BRINP3: variants seen among roughly 807,000 people sequenced by gnomAD.
BRINP3 encodes the protein BMP/retinoic acid inducible neural specific 3.
In BRINP3, 19 loss-of-function variants were observed where a neutral mutation model predicts 71.0. That is an observed-to-expected ratio of 0.27 (90% CI 0.19 to 0.39). The LOEUF is 0.39. Ranked by LOEUF, BRINP3 falls within the 10% of genes least tolerant of loss-of-function variation. BRINP3 has a pLI of 1.00. For synonymous variants in BRINP3, 380 were observed against 337.7 expected (o/e 1.13, Z -1.37); for missense variants, 959 against 940.8 (o/e 1.02, Z -0.25).
chr1:190,205,185 A>G (rs928000524), intron 6 of BRINP3, among the ~76,000 whole-genome samples: 1 of 151,868 alleles, frequency 6.6e-6, no homozygotes, highest in South Asian at 2.1e-4. Context: ...TGCAACATCC[A>G]TGTACTATAG....
At chr1:190,208,222 T>A (rs1441028900) in intron 6 of BRINP3, among the ~76,000 whole-genome samples, 2 of 151,960 alleles carry the variant, frequency 1.3e-5, no homozygotes, top group Non-Finnish European at 2.9e-5. Context: ...CTGCCCAAAG[T>A]GCTGGCATTA....
rs768998012 is a variant in BRINP3, at chr1:190,265,021, C to G, written c.462G>C (p.Arg154=). Residue 154 remains arginine (R), a synonymous_variant, in exon 4 of 8, where the codon CGG becomes CGC. Coordinates refer to ENST00000367462, the MANE Select transcript of BRINP3 (RefSeq NM_199051.3). ...EESLTIFVDK[R]KLSKRAEGSD... is the part of the protein sequence containing the mutation. ...TTCCTTCAGCTCGTTTGCTCAACTT[C>G]CGCTTGTCCACAAAAATTGTGAGTG... 3.1e-6 allele frequency: 5 copies of G among 1,608,894 alleles called. No individual in the cohort carries two copies. Among genetic ancestry groups the G allele is most frequent in the Non-Finnish European group, 4.2e-6 (5 of 1,178,182 alleles).
At chr1:190,248,430 A>T (rs141238080) in intron 4 of BRINP3, among the ~76,000 whole-genome samples, 2,277 of 150,938 alleles carry the variant, frequency 0.015, 72 homozygotes, top group African/African-American at 0.052. Flanking sequence ...TCACCAAAAA[A>T]CTCTATTCCA....
chr1:190,439,573 G>A (rs1206571882), intron 2 of BRINP3, among the ~76,000 whole-genome samples: 1 of 151,638 alleles, frequency 6.6e-6, no homozygotes, highest in Non-Finnish European at 1.5e-5. Flanking sequence ...ATGAATTAAT[G>A]GTAGAAAGAT....
At chr1:190,245,373 A>G (rs1050929541) in intron 4 of BRINP3, among the ~76,000 whole-genome samples, 1 of 151,930 alleles carries the variant, frequency 6.6e-6, no homozygotes, top group Non-Finnish European at 1.5e-5. Flanking sequence ...AATTAATTAT[A>G]TAGGAGAAAG....
intron 2 of BRINP3, among the ~76,000 whole-genome samples, chr1:190,390,407 G>T (rs560201710): frequency 4.0e-4 from 61 of 151,758 alleles, no homozygotes; most frequent in Non-Finnish European, 7.1e-4. Context: ...AGAAAAGAGG[G>T]CAACCTTCCC....
chr1:190,224,830 T>G (rs1469953080), intron 6 of BRINP3, among the ~76,000 whole-genome samples: 4 of 151,922 alleles, frequency 2.6e-5, no homozygotes, highest in African/African-American at 9.7e-5. Flanking sequence ...AATTAAAGAC[T>G]GGGCAGAATA....
At chr1:190,380,220 ACTT>A (rs1670463044) in intron 2 of BRINP3, among the ~76,000 whole-genome samples, 3 of 151,956 alleles carry the variant, frequency 2.0e-5, no homozygotes, top group African/African-American at 4.8e-5. Flanking sequence ...TGGACTGGAG[ACTT>A]AAAAGGGTTT....
chr1:190,469,041 T>A (rs1424097068), intron 1 of BRINP3, among the ~76,000 whole-genome samples: 1 of 151,058 alleles, frequency 6.6e-6, no homozygotes, highest in Non-Finnish European at 1.5e-5. Flanking sequence ...ATACATCTGA[T>A]AAGCACAGAT....
intron 2 of BRINP3, among the ~76,000 whole-genome samples, chr1:190,385,861 GA>G (rs1333452959): frequency 6.7e-6 from 1 of 148,296 alleles, no homozygotes; most frequent in Non-Finnish European, 1.5e-5. Context: ...ACTGGATTAA[GA>G]AAATGTGGCA....
intron 7 of BRINP3, among the ~76,000 whole-genome samples, chr1:190,102,967 G>T (rs1651826861): frequency 6.6e-6 from 1 of 151,856 alleles, no homozygotes; most frequent in Non-Finnish European, 1.5e-5. Context: ...ATACTAGTTT[G>T]AAATGTTTAG....
rs1210874878 is a variant in BRINP3 at position 190,099,066 on chromosome 1, C to T, written c.1253G>A (p.Ser418Asn). ...GCACGAGTGCGTCTCTTCTGAAAAG[C>T]TGCCTAGGAGGCCGTTCTCATTGCA... is the stretch of plus-strand genomic sequence containing the variant. The part of the protein sequence containing the change: ...LYCNENGLLG[S>N]FSEETHSCTC... Residue 418 changes from serine to asparagine, a missense_variant, in exon 8 of 8, where the codon AGC becomes AAC. Coordinates refer to ENST00000367462, the MANE Select transcript of BRINP3 (RefSeq NM_199051.3). The T allele has an allele frequency of 6.2e-7, 1 of 1,614,122 alleles. No homozygotes were observed. Among genetic ancestry groups the T allele is most frequent in the East Asian group, 2.2e-5 (1 of 44,870 alleles).
intron 7 of BRINP3, among the ~76,000 whole-genome samples, chr1:190,117,020 A>T (rs1653195106): frequency 6.6e-6 from 1 of 152,034 alleles, no homozygotes; most frequent in African/African-American, 2.4e-5. Flanking sequence ...TACTTTTGCT[A>T]TTTAATCTCC....
rs1334402738 is a variant in BRINP3, at chr1:190,405,450, C to CAAAA, written c.236+49201_236+49204dup. Reference sequence around the variant, plus strand: ...TGGGCGACAGAGCGAGACTCCGTCTCAAAAAAAAAAAAAAAAAAAAAAAAA... The same window carrying CAAAA: ...TGGGCGACAGAGCGAGACTCCGTCTCAAAAAAAAAAAAAAAAAAAAAAAAAAAAA... On this transcript the variant is annotated intron_variant, in intron 2 of 7. Coordinates refer to ENST00000367462, the MANE Select transcript of BRINP3 (RefSeq NM_199051.3). 1.7e-3 allele frequency among the ~76,000 whole-genome samples: 66 copies of CAAAA among 39,130 alleles called. 13 individuals carry two copies. Among genetic ancestry groups the CAAAA allele is most frequent in the African/African-American group, 2.8e-3 (20 of 7,254 alleles). The allele number at this position is 39,130 out of a possible 152,430, so 25.7% of individuals were successfully genotyped here. A position where few individuals can be genotyped will look rare whatever the true frequency, so the allele number is the denominator to read the frequency against.
At chr1:190,194,641 T>C (rs1346004952) in intron 6 of BRINP3, among the ~76,000 whole-genome samples, 1 of 152,116 alleles carries the variant, frequency 6.6e-6, no homozygotes, top group Admixed American at 6.6e-5. Flanking sequence ...TGATTTTTTT[T>C]CCTATTTACT....
chr1:190,206,976 T>TTGTTC (rs1046723899), intron 6 of BRINP3, among the ~76,000 whole-genome samples: 1 of 150,744 alleles, frequency 6.6e-6, no homozygotes, highest in Non-Finnish European at 1.5e-5. Flanking sequence ...GGTTTTTTTT[T>TTGTTC]TGTTTTGTTT....
intron 3 of BRINP3, among the ~76,000 whole-genome samples, chr1:190,273,598 A>T (rs560663104): frequency 1.3e-4 from 20 of 151,722 alleles, no homozygotes; most frequent in Non-Finnish European, 2.4e-4. Flanking sequence ...CACCATTTTA[A>T]TGTTATACCA....
chr1:190,447,077 G>C (rs903665371), intron 2 of BRINP3, among the ~76,000 whole-genome samples: 2 of 151,610 alleles, frequency 1.3e-5, no homozygotes, highest in African/African-American at 4.8e-5. Flanking sequence ...AGAAATTCAG[G>C]GACATGAGGG....
intron 4 of BRINP3, among the ~76,000 whole-genome samples, chr1:190,261,463 T>C (rs1661180109): frequency 6.6e-6 from 1 of 152,124 alleles, no homozygotes; most frequent in Admixed American, 6.6e-5. Context: ...ACATTTATAT[T>C]CATAATTATA....
Sources: allele counts gnomAD v4.1 joint callset (sites outside exome capture counted in the v4.1 genomes callset), GRCh38; gene constraint gnomAD v4.1.1; transcripts MANE v1.5; gene names NCBI Gene and HGNC (gene_info 2026-07-23, HGNC 2026-07-21).